MGAT4C: variants seen among roughly 807,000 people sequenced by gnomAD.
MGAT4C encodes the protein alpha-1,3-mannosyl-glycoprotein 4-beta-N-acetylglucosaminyltransferase C.
MGAT4C carries 19 observed loss-of-function variants against 40.1 expected under a neutral mutation model. That is an observed-to-expected ratio of 0.47 (90% CI 0.33 to 0.70). MGAT4C has a LOEUF of 0.70. MGAT4C is among the 30% of genes least tolerant of loss of function. The pLI is 0.02. For synonymous variants in MGAT4C, 181 were observed against 187.1 expected, an observed-to-expected ratio of 0.97 and a Z score of 0.27; for missense variants, 491 against 563.2, an observed-to-expected ratio of 0.87 and a Z score of 1.30.
intron 2 of MGAT4C, among the ~76,000 whole-genome samples, chr12:86,492,135 T>C (rs566412304): frequency 2.6e-5 from 4 of 152,106 alleles, no homozygotes; most frequent in Admixed American, 6.6e-5. Context: ...CACTGCTCAA[T>C]GAAATAAAAG....
At chr12:86,674,321 G>T (rs1593102159) in intron 2 of MGAT4C, among the ~76,000 whole-genome samples, 1 of 151,896 alleles carries the variant, frequency 6.6e-6, no homozygotes, top group Non-Finnish European at 1.5e-5. Flanking sequence ...AAATTCTTGG[G>T]TAAAGATAAA....
At position 86,032,334 on chromosome 12, in the gene MGAT4C, G is replaced by A. The variant is rs529268948; in HGVS notation, c.-7+17340C>T. Among the ~76,000 whole-genome samples the A allele has an allele frequency of 2.1e-4, 28 of 131,414 alleles. 1 individual carries two copies. The highest frequency in any genetic ancestry group is 7.0e-4 in the African/African-American group (28 of 39,948). The allele number at this position is 131,414 out of a possible 152,430, so 86.2% of individuals were successfully genotyped here. A position where few individuals can be genotyped will look rare whatever the true frequency, so the allele number is the denominator to read the frequency against. ...ACCATTTTGAGATATTTGAGAAATC[G>A]CAACACTGCTTTCCACAGTGGCTGA... On this transcript the variant is annotated intron_variant, in intron 2 of 4. Transcript: ENST00000611864.
chr12:86,096,604 T>A (rs748736828), intron 1 of MGAT4C, among the ~76,000 whole-genome samples: 1 of 151,610 alleles, frequency 6.6e-6, no homozygotes, highest in Non-Finnish European at 1.5e-5. Flanking sequence ...ATCTTTTTTT[T>A]ATGATCAATT....
intron 1 of MGAT4C, among the ~76,000 whole-genome samples, chr12:86,080,564 T>G (rs1285449917): frequency 6.6e-6 from 1 of 152,086 alleles, no homozygotes; most frequent in Non-Finnish European, 1.5e-5. Context: ...TATAAAAACA[T>G]GTCAGAGCGC....
intron 4 of MGAT4C, among the ~76,000 whole-genome samples, chr12:86,320,375 C>A (rs1296495232): frequency 2.6e-5 from 4 of 152,046 alleles, no homozygotes; most frequent in Non-Finnish European, 5.9e-5. Context: ...AAAAGATGTT[C>A]TGCATAAAGG....
At chr12:86,607,699 T>C (rs1452371293) in intron 2 of MGAT4C, among the ~76,000 whole-genome samples, 5 of 152,300 alleles carry the variant, frequency 3.3e-5, no homozygotes, top group Middle Eastern at 3.4e-3. Context: ...GATTAGCCTT[T>C]AAAAATCCAC....
At chr12:86,486,242 C>G (rs1024952626) in intron 2 of MGAT4C, among the ~76,000 whole-genome samples, 2 of 151,912 alleles carry the variant, frequency 1.3e-5, no homozygotes, top group East Asian at 3.9e-4. Context: ...GGTCTAATTG[C>G]CCCACTTAAA....
Position 86,631,792 on chromosome 12 carries a change from T to C in MGAT4C, c.-229+95417A>G, listed in dbSNP as rs1376380797. 4.6e-5 allele frequency among the ~76,000 whole-genome samples: 7 copies of C among 151,916 alleles called. No individual in the cohort carries two copies. The East Asian group carries it at 5.8e-4, about 13-fold the overall frequency. ...AAGACTTAAATGTTAGACCTAAAAC[T>C]ATAAAAACCCTAGAAGAAAACTTAG... On this transcript the variant is annotated intron_variant, in intron 2 of 7. Transcript: ENST00000548651.
At chr12:86,083,127 T>C (rs1441065282) in intron 1 of MGAT4C, among the ~76,000 whole-genome samples, 1 of 152,108 alleles carries the variant, frequency 6.6e-6, no homozygotes, top group Non-Finnish European at 1.5e-5. Flanking sequence ...TAAGCCTCTC[T>C]TTTTGCTCCA....
intron 2 of MGAT4C, among the ~76,000 whole-genome samples, chr12:86,514,616 T>C (rs1015256044): frequency 1.3e-5 from 2 of 152,198 alleles, no homozygotes; most frequent in Non-Finnish European, 2.9e-5. Flanking sequence ...CTCTCTATCT[T>C]CTGCCTTTCT....
At position 86,106,268 on chromosome 12, in the gene MGAT4C, C is replaced by CGTTTAGTTTA. The variant is rs199922200; in HGVS notation, c.-56-56555_-56-56546dup. Among the ~76,000 whole-genome samples the CGTTTAGTTTA allele has an allele frequency of 4.9e-4, 75 of 151,718 alleles. 1 individual carries two copies. The highest frequency in any genetic ancestry group is 1.7e-3 in the African/African-American group (72 of 41,224). On this transcript the variant is annotated intron_variant, in intron 1 of 4. Transcript: ENST00000611864. ...TCTTTTTTTCATTGAAAGCAGCACT[C>CGTTTAGTTTA]GTTTAGTTTAGTTTAGTTTAGTTTA...
intron 3 of MGAT4C, among the ~76,000 whole-genome samples, chr12:86,401,218 A>G (rs181598653): frequency 5.3e-5 from 8 of 151,442 alleles, no homozygotes; most frequent in African/African-American, 1.9e-4. Flanking sequence ...TCCCATATTT[A>G]TGAGATTTAT....
intron 2 of MGAT4C, chr12:86,002,024 T>C (rs893927678): frequency 1.3e-5 from 2 of 152,258 alleles, no homozygotes; most frequent in Non-Finnish European, 2.9e-5. Flanking sequence ...TTCATCCTTT[T>C]ACTACCTTCA....
At chr12:86,722,087 G>A (rs762210548) in intron 2 of MGAT4C, among the ~76,000 whole-genome samples, 19 of 151,954 alleles carry the variant, frequency 1.3e-4, no homozygotes, top group African/African-American at 3.6e-4. Flanking sequence ...GTTATGGCTG[G>A]GTGAGCACTT....
chr12:86,231,010 A>C (rs1951299587), intron 1 of MGAT4C, among the ~76,000 whole-genome samples: 1 of 152,020 alleles, frequency 6.6e-6, no homozygotes, highest in Non-Finnish European at 1.5e-5. Context: ...TGCCTACTAT[A>C]GTTGAGGTGG....
rs529370954 is a variant in MGAT4C at position 86,733,344 on chromosome 12, T to A, written c.-261-6103A>T. Among the ~76,000 whole-genome samples the A allele has an allele frequency of 1.8e-4, 27 of 152,240 alleles. No homozygotes were observed. The South Asian group carries it at 5.6e-3, about 32-fold the overall frequency. On this transcript the variant is annotated intron_variant, in intron 1 of 7. Coordinates refer to the MGAT4C transcript ENST00000548651. ...AATAACCCAATGAAAAGGGTTAAGA[T>A]GTATTTTTGTTGCTTAAGAAGGGGA...
At chr12:86,535,727 C>T (rs1187761134) in intron 2 of MGAT4C, among the ~76,000 whole-genome samples, 1 of 152,014 alleles carries the variant, frequency 6.6e-6, no homozygotes, top group South Asian at 2.1e-4. Context: ...AATAAGGCAT[C>T]CAGAAATGCA....
chr12:86,817,728 T>A (rs753740810), intron 1 of MGAT4C, among the ~76,000 whole-genome samples: 7 of 151,552 alleles, frequency 4.6e-5, no homozygotes, highest in Non-Finnish European at 7.4e-5. Flanking sequence ...AAGTTTGTCA[T>A]CTCAGAAAAT....
chr12:86,509,668 T>C (rs1958537806), intron 2 of MGAT4C, among the ~76,000 whole-genome samples: 2 of 152,088 alleles, frequency 1.3e-5, no homozygotes, highest in East Asian at 1.9e-4. Context: ...GCCATTTTCA[T>C]GATATTGATT....
Sources: gnomAD v4.1 joint callset for allele counts (sites outside exome capture counted in the v4.1 genomes callset) on GRCh38, gnomAD v4.1.1 for gene constraint, MANE v1.5 for transcripts, NCBI Gene and HGNC (gene_info 2026-07-23, HGNC 2026-07-21) for gene names.